The following SGCZ variants were observed in gnomAD, a reference collection of about 807,000 sequenced individuals.
SGCZ encodes sarcoglycan zeta.
Under a neutral mutation model 41.3 loss-of-function variants are expected in SGCZ, and 40 were observed. The ratio of observed to expected loss-of-function variants is 0.97; its 90% CI spans 0.75 to 1.26. The LOEUF (loss-of-function observed/expected upper bound fraction) is 1.26, where lower values mean the gene tolerates loss of function less well. Among genes scored for constraint, SGCZ ranks in the 50% most tolerant of loss-of-function variants. The pLI is 0.00. For synonymous variants in SGCZ, 206 were observed against 137.5 expected (o/e 1.50, Z -3.49); for missense variants, 552 against 369.8 (o/e 1.49, Z -4.04).
At chr8:15,214,173 C>A (rs998860957) in intron 1 of SGCZ, among the ~76,000 whole-genome samples, 1 of 151,924 alleles carries the variant, frequency 6.6e-6, no homozygotes, top group East Asian at 1.9e-4. Flanking sequence ...CCAAAAGTGG[C>A]ATTGAAATAT....
At chr8:14,276,871 G>C (rs950969128) in intron 3 of SGCZ, among the ~76,000 whole-genome samples, 1 of 152,110 alleles carries the variant, frequency 6.6e-6, no homozygotes, top group Non-Finnish European at 1.5e-5. Context: ...AACTTTGAAA[G>C]TTTACTTCAT....
intron 1 of SGCZ, among the ~76,000 whole-genome samples, chr8:14,600,212 C>G (rs551973295): frequency 9.2e-5 from 14 of 152,278 alleles, no homozygotes; most frequent in African/African-American, 3.1e-4. Context: ...TTGTCTTCTT[C>G]ATATCTGTTA....
At chr8:14,912,837 C>A (rs953100583) in intron 1 of SGCZ, among the ~76,000 whole-genome samples, 2 of 152,072 alleles carry the variant, frequency 1.3e-5, no homozygotes, top group Non-Finnish European at 2.9e-5. Flanking sequence ...ATCTTTCTAT[C>A]TTTTGGAAGG....
At chr8:15,078,595 G>C (rs1805630386) in intron 1 of SGCZ, among the ~76,000 whole-genome samples, 1 of 151,980 alleles carries the variant, frequency 6.6e-6, no homozygotes, top group Non-Finnish European at 1.5e-5. Flanking sequence ...TTGTTTAATA[G>C]GATGTTTGGT....
At position 14,335,519 on chromosome 8, in the gene SGCZ, C is replaced by A. The variant is rs1374297622; in HGVS notation, c.235-11315G>T. On this transcript the variant is annotated intron_variant, in intron 2 of 7. Coordinates refer to ENST00000382080, the MANE Select transcript of SGCZ (RefSeq NM_139167.4). Reference sequence around the variant, plus strand: ...CTTTTTAACATCTTATCCGTTATACCTTATTATACTTCCACATGGCATACT... The same window carrying A: ...CTTTTTAACATCTTATCCGTTATACATTATTATACTTCCACATGGCATACT... 2.0e-5 allele frequency among the ~76,000 whole-genome samples: 3 copies of A among 152,102 alleles called. No individual in the cohort carries two copies. The East Asian group carries it at 5.8e-4, about 29-fold the overall frequency.
chr8:15,140,297 T>C (rs1488262947), intron 1 of SGCZ, among the ~76,000 whole-genome samples: 1 of 152,186 alleles, frequency 6.6e-6, no homozygotes, highest in African/African-American at 2.4e-5. Flanking sequence ...AGTGCTGGAA[T>C]AACAGGTATG....
chr8:15,040,500 C>G (rs951444607), intron 1 of SGCZ, among the ~76,000 whole-genome samples: 1 of 152,026 alleles, frequency 6.6e-6, no homozygotes, highest in Non-Finnish European at 1.5e-5. Context: ...ATCTGTAATC[C>G]CAGCTACTCG....
intron 1 of SGCZ, among the ~76,000 whole-genome samples, chr8:14,639,630 A>G (rs1806953994): frequency 6.6e-6 from 1 of 151,722 alleles, no homozygotes; most frequent in Non-Finnish European, 1.5e-5. Flanking sequence ...TAATTTTCAC[A>G]TTTTAAAATT....
intron 1 of SGCZ, among the ~76,000 whole-genome samples, chr8:14,841,849 C>A (rs2130628846): frequency 6.6e-6 from 1 of 152,190 alleles, no homozygotes. Flanking sequence ...CCTATCACAT[C>A]AAACTGTTAA....
chr8:14,773,136 G>A (rs1408155694), intron 1 of SGCZ, among the ~76,000 whole-genome samples: 3 of 152,084 alleles, frequency 2.0e-5, no homozygotes, highest in African/African-American at 7.2e-5. Flanking sequence ...GGTGTGAGAT[G>A]GTATCTCATT....
intron 1 of SGCZ, among the ~76,000 whole-genome samples, chr8:14,679,019 A>T (rs1183388212): frequency 2.0e-5 from 3 of 152,146 alleles, no homozygotes; most frequent in Non-Finnish European, 4.4e-5. Context: ...CTGTCCTATC[A>T]TAAGATTATA....
chr8:14,813,319 G>A (rs947453983), intron 1 of SGCZ, among the ~76,000 whole-genome samples: 3 of 152,028 alleles, frequency 2.0e-5, no homozygotes, highest in African/African-American at 4.8e-5. Flanking sequence ...TCTATTTTAA[G>A]AGTTAGAAAA....
At chr8:14,685,132 C>A (rs1235718636) in intron 1 of SGCZ, among the ~76,000 whole-genome samples, 2 of 152,008 alleles carry the variant, frequency 1.3e-5, no homozygotes, top group East Asian at 3.9e-4. Context: ...TTTAAATATT[C>A]TAAAATTAAT....
At chr8:14,307,580 G>A (rs12681877) in intron 3 of SGCZ, among the ~76,000 whole-genome samples, 68,097 of 151,776 alleles carry the variant, frequency 0.45, 16,512 homozygotes, top group African/African-American at 0.62. Context: ...CTAAAATTGC[G>A]GCATTAAAGT....
chr8:14,191,604 A>C (rs1393046892), intron 4 of SGCZ, among the ~76,000 whole-genome samples: 1 of 152,176 alleles, frequency 6.6e-6, no homozygotes, highest in Non-Finnish European at 1.5e-5. Context: ...GTAAAACTCA[A>C]ACACACCTGG....
intron 3 of SGCZ, among the ~76,000 whole-genome samples, chr8:14,296,573 G>C (rs1801018750): frequency 6.6e-6 from 1 of 152,104 alleles, no homozygotes; most frequent in African/African-American, 2.4e-5. Context: ...AATAATATAT[G>C]AAGTTTAGAA....
At chr8:15,206,452 C>CTTTTTTTTTTTTTT (rs3069943) in intron 1 of SGCZ, among the ~76,000 whole-genome samples, 1 of 144,380 alleles carries the variant, frequency 6.9e-6, no homozygotes, top group Non-Finnish European at 1.5e-5. Flanking sequence ...TCTGGGGAGT[C>CTTTTTTTTTTTTTT]TTTTTTTTTT....
At chr8:14,830,849 T>TA (rs951347718) in intron 1 of SGCZ, among the ~76,000 whole-genome samples, 24 of 152,226 alleles carry the variant, frequency 1.6e-4, no homozygotes, top group African/African-American at 5.5e-4. Context: ...TCTCATTTTT[T>TA]AAAAAAAGTC....
At chr8:14,260,408 C>T (rs1799616315) in intron 3 of SGCZ, among the ~76,000 whole-genome samples, 1 of 144,518 alleles carries the variant, frequency 6.9e-6, no homozygotes, top group African/African-American at 2.5e-5. Context: ...TACCATCTCA[C>T]ACCAGTTAGA....
Sources: allele counts gnomAD v4.1 joint callset (sites outside exome capture counted in the v4.1 genomes callset), GRCh38; gene constraint gnomAD v4.1.1; transcripts MANE v1.5; gene names NCBI Gene and HGNC (gene_info 2026-07-23, HGNC 2026-07-21).